The following MAST2 variants were observed in gnomAD, a reference collection of about 807,000 sequenced individuals.
The protein encoded by MAST2 is microtubule associated serine/threonine kinase 2, also known as microtubule-associated serine/threonine-protein kinase 2.
Under a neutral mutation model 147.4 loss-of-function variants are expected in MAST2, and 70 were observed. The observed-to-expected ratio is 0.47, with a 90% confidence interval of 0.39 to 0.58. MAST2 has a LOEUF of 0.58. Among genes scored for constraint, MAST2 ranks in the 20% least tolerant of loss-of-function variants. The pLI is 0.00. For synonymous variants in MAST2, 869 were observed against 896.8 expected (o/e 0.97, Z 0.55); for missense variants, 2,080 against 2,302.3 (o/e 0.90, Z 1.98).
chr1:45,991,285 A>G (rs990018541), intron 5 of MAST2, among the ~76,000 whole-genome samples: 11 of 152,234 alleles, frequency 7.2e-5, no homozygotes, highest in African/African-American at 2.4e-4. Context: ...CTTGATCACT[A>G]TAGCTTTATA....
At chr1:45,873,644 T>C (rs1406150397) in intron 3 of MAST2, among the ~76,000 whole-genome samples, 3 of 152,152 alleles carry the variant, frequency 2.0e-5, no homozygotes, top group Non-Finnish European at 4.4e-5. Context: ...TTTAGAAAGG[T>C]TTAATGACTG....
chr1:45,839,637 C>T (rs1001804293), intron 3 of MAST2, among the ~76,000 whole-genome samples: 1 of 152,030 alleles, frequency 6.6e-6, no homozygotes, highest in Non-Finnish European at 1.5e-5. Flanking sequence ...AATGCAGTCC[C>T]GATCAAAACC....
chr1:45,949,266 A>G (rs1028480239), intron 4 of MAST2, among the ~76,000 whole-genome samples: 2 of 152,330 alleles, frequency 1.3e-5, no homozygotes, highest in Middle Eastern at 6.8e-3. Context: ...AAAAGAAACT[A>G]TCAACAGAGT....
At chr1:45,904,728 A>G (rs1028114053) in intron 4 of MAST2, among the ~76,000 whole-genome samples, 10 of 151,544 alleles carry the variant, frequency 6.6e-5, no homozygotes, top group Admixed American at 4.6e-4. Flanking sequence ...GGCCTCCCAG[A>G]GTGCTAGGAT....
intron 1 of MAST2, among the ~76,000 whole-genome samples, chr1:45,811,495 C>T (rs570460986): frequency 6.6e-6 from 1 of 151,490 alleles, no homozygotes; most frequent in African/African-American, 2.4e-5. Flanking sequence ...CCCACCACCA[C>T]GCTCGGCTAA....
At chr1:45,857,142 T>A (rs1645816203) in intron 3 of MAST2, among the ~76,000 whole-genome samples, 1 of 152,200 alleles carries the variant, frequency 6.6e-6, no homozygotes, top group South Asian at 2.1e-4. Context: ...TCCACTTGAA[T>A]GTAAGCTTTA....
At chr1:45,869,733 CAG>C (rs1266781031) in intron 3 of MAST2, among the ~76,000 whole-genome samples, 1 of 152,150 alleles carries the variant, frequency 6.6e-6, no homozygotes, top group Non-Finnish European at 1.5e-5. Context: ...CAAAAAATAA[CAG>C]TGTCTTTTGC....
chr1:45,846,361 G>A (rs1403812956), intron 3 of MAST2, among the ~76,000 whole-genome samples: 1 of 152,118 alleles, frequency 6.6e-6, no homozygotes, highest in Non-Finnish European at 1.5e-5. Context: ...CACAAAATGT[G>A]AAATTAGATG....
intron 5 of MAST2, among the ~76,000 whole-genome samples, chr1:45,977,086 G>A (rs1644191352): frequency 1.3e-5 from 2 of 152,222 alleles, no homozygotes; most frequent in African/African-American, 4.8e-5. Context: ...AGGTAATACA[G>A]TAAAACTTTT....
chr1:45,927,204 G>T (rs1350460971), intron 4 of MAST2, among the ~76,000 whole-genome samples: 1 of 152,164 alleles, frequency 6.6e-6, no homozygotes, highest in Non-Finnish European at 1.5e-5. Flanking sequence ...TGGAGGCAGG[G>T]CGAGATCACA....
chr1:45,831,041 A>T (rs1476828334), intron 3 of MAST2, among the ~76,000 whole-genome samples: 1 of 151,912 alleles, frequency 6.6e-6, no homozygotes, highest in East Asian at 1.9e-4. Context: ...AAAAAAAAAA[A>T]AAAAAAAAGC....
intron 1 of MAST2, 43 bp from the exon 2 acceptor site, chr1:45,824,390 G>A (rs1316415886): frequency 1.3e-6 from 2 of 1,488,190 alleles, no homozygotes; most frequent in African/African-American, 2.8e-5. Flanking sequence ...ATACTTCAGA[G>A]GAGATATTAA....
At chr1:45,817,238 G>A (rs745935784) in intron 1 of MAST2, among the ~76,000 whole-genome samples, 2 of 152,110 alleles carry the variant, frequency 1.3e-5, no homozygotes, top group Non-Finnish European at 2.9e-5. Context: ...GTTCTAGAAT[G>A]CCAAGCAGAT....
At chr1:45,940,263 G>T (rs575720382) in intron 4 of MAST2, among the ~76,000 whole-genome samples, 1 of 152,000 alleles carries the variant, frequency 6.6e-6, no homozygotes, top group Non-Finnish European at 1.5e-5. Flanking sequence ...AAAGTGCTAG[G>T]ATTAAAGGCA....
chr1:45,873,144 T>C (rs1180330008), intron 3 of MAST2, among the ~76,000 whole-genome samples: 2 of 151,900 alleles, frequency 1.3e-5, no homozygotes, highest in African/African-American at 4.8e-5. Context: ...CTTTAGAGCT[T>C]CGCTACTGGT....
At chr1:45,929,691 C>T (rs1162665553) in intron 4 of MAST2, among the ~76,000 whole-genome samples, 1 of 152,060 alleles carries the variant, frequency 6.6e-6, no homozygotes, top group African/African-American at 2.4e-5. Context: ...AACTAGCATA[C>T]TGGAGTAGTC....
chr1:46,015,765 A>T (rs1422041674), intron 10 of MAST2, among the ~76,000 whole-genome samples: 1 of 152,228 alleles, frequency 6.6e-6, no homozygotes, highest in Non-Finnish European at 1.5e-5. Flanking sequence ...AATTGGTACC[A>T]TTCCTTCTGA....
intron 4 of MAST2, among the ~76,000 whole-genome samples, chr1:45,891,120 A>AT (rs1376670608): frequency 3.3e-5 from 5 of 152,206 alleles, no homozygotes; most frequent in African/African-American, 1.2e-4. Context: ...TTATTATAAA[A>AT]TTGAGTTTTT....
chr1:45,992,227 G>C (rs1644881624), intron 5 of MAST2, among the ~76,000 whole-genome samples: 1 of 152,138 alleles, frequency 6.6e-6, no homozygotes, highest in African/African-American at 2.4e-5. Context: ...TTCCTAGTTT[G>C]CTGAGTTTTT....
Sources: gnomAD v4.1 joint callset for allele counts (sites outside exome capture counted in the v4.1 genomes callset) on GRCh38, gnomAD v4.1.1 for gene constraint, MANE v1.5 for transcripts, NCBI Gene and HGNC (gene_info 2026-07-23, HGNC 2026-07-21) for gene names.